Variants in YTHDF3 observed in about 807,000 individuals in gnomAD.
The protein encoded by YTHDF3 is YTH N6-methyladenosine RNA binding protein F3, also known as YTH domain-containing family protein 3.
A neutral mutation model predicts 52.5 loss-of-function variants in YTHDF3; 9 were observed. The observed-to-expected ratio is 0.17, with a 90% CI of 0.10 to 0.30. YTHDF3 has a LOEUF of 0.30. Among genes scored for constraint, YTHDF3 ranks in the 10% least tolerant of loss-of-function variants. The pLI, the probability that YTHDF3 is intolerant of heterozygous loss-of-function variation, is 1.00. For synonymous variants in YTHDF3, 274 were observed against 243.3 expected, an observed-to-expected ratio of 1.13 and a Z score of -1.18; for missense variants, 534 against 715.0, an observed-to-expected ratio of 0.75 and a Z score of 2.89.
Position 63,186,368 on chromosome 8 carries a change from T to C in YTHDF3, c.357T>C (p.Leu119=), listed in dbSNP as rs1808502702. Residue 119 remains leucine, a synonymous_variant, in exon 4 of 5, where the codon CTT becomes CTC. Coordinates refer to ENST00000539294, the MANE Select transcript of YTHDF3 (RefSeq NM_152758.6). ...CATTAGGAAATACCCCTCCATTTCT[T>C]GGTCAACATGGATTTAACTTTTTTC... ...PGALGNTPPF[L]GQHGFNFFPG... 6.2e-7 allele frequency: 1 copy of C among 1,614,078 alleles called. No individual in the cohort carries two copies. The highest frequency in any genetic ancestry group is 2.2e-5 in the East Asian group (1 of 44,892).
intron 3 of YTHDF3, among the ~76,000 whole-genome samples, chr8:63,182,349 G>A (rs927613436): frequency 3.4e-5 from 5 of 149,158 alleles, no homozygotes; most frequent in Non-Finnish European, 5.9e-5. Context: ...GGGATTACAA[G>A]CACAAGCCAC....
At chr8:63,206,841 A>G (rs1810065697) in intron 4 of YTHDF3, among the ~76,000 whole-genome samples, 1 of 152,008 alleles carries the variant, frequency 6.6e-6, no homozygotes, top group Non-Finnish European at 1.5e-5. Flanking sequence ...ACCGTGTTTT[A>G]GAAATTCCAA....
At chr8:63,177,518 T>C (rs901726337) in intron 3 of YTHDF3, among the ~76,000 whole-genome samples, 1 of 152,206 alleles carries the variant, frequency 6.6e-6, no homozygotes, top group Admixed American at 6.5e-5. Flanking sequence ...GTAATCTCAG[T>C]TAACGCTTAT....
intron 4 of YTHDF3, among the ~76,000 whole-genome samples, chr8:63,204,277 G>A (rs545734025): frequency 2.0e-5 from 3 of 151,512 alleles, no homozygotes; most frequent in South Asian, 4.2e-4. Context: ...ATGAGGCAGC[G>A]ACCATTTCTC....
rs190466520 is a variant in YTHDF3, at chr8:63,212,049, G to A, written c.*2343G>A. On this transcript the variant is annotated 3_prime_UTR_variant, in exon 5 of 5. Coordinates refer to ENST00000539294, the MANE Select transcript of YTHDF3 (RefSeq NM_152758.6). ...TCTCTTAACTGTGGGGACCAAAAGG[G>A]AGAGAGCCTGGGGTCTACAAGAGGA... 1 of 152,672 alleles carries A rather than the reference G, an allele frequency of 6.5e-6. No individual in the cohort carries two copies. The highest frequency in any genetic ancestry group is 1.5e-5 in the Non-Finnish European group (1 of 68,000). 9.5% of individuals were successfully genotyped at this position (152,672 alleles called of 1,614,324 possible). A position where few individuals can be genotyped will look rare whatever the true frequency, so the allele number is the denominator to read the frequency against.
At chr8:63,194,221 C>T (rs906599919) in intron 4 of YTHDF3, among the ~76,000 whole-genome samples, 2 of 151,706 alleles carry the variant, frequency 1.3e-5, no homozygotes, top group African/African-American at 4.8e-5. Flanking sequence ...TGGTGGCTCA[C>T]GCCTGCAATC....
intron 4 of YTHDF3, among the ~76,000 whole-genome samples, chr8:63,196,834 G>C (rs1809271310): frequency 6.6e-6 from 1 of 152,128 alleles, no homozygotes; most frequent in South Asian, 2.1e-4. Context: ...AAAGAGCTTA[G>C]CCACGTACTG....
intron 4 of YTHDF3, among the ~76,000 whole-genome samples, chr8:63,195,794 G>A (rs561809271): frequency 4.7e-5 from 7 of 150,378 alleles, no homozygotes; most frequent in South Asian, 4.2e-4. Flanking sequence ...CTGTATTTAC[G>A]TGTGTGTGTG....
rs1179689698 is a variant in YTHDF3, at chr8:63,169,379, C to A, written c.25-8C>A. The A allele has an allele frequency of 1.9e-6, 3 of 1,601,092 alleles. No homozygotes were observed. Among genetic ancestry groups the A allele is most frequent in the Non-Finnish European group, 2.6e-6 (3 of 1,172,988 alleles). On this transcript the variant is annotated splice_region_variant and splice_polypyrimidine_tract_variant and intron_variant, in intron 1 of 4. Coordinates refer to ENST00000539294, the MANE Select transcript of YTHDF3 (RefSeq NM_152758.6). Reference sequence around the variant, plus strand: ...CCTCTTTACCGCATCTTTCGTCTTGCAACACAGAGACCTAAAGGGCAAGGA... The same window carrying A: ...CCTCTTTACCGCATCTTTCGTCTTGAAACACAGAGACCTAAAGGGCAAGGA...
rs145922072 is a variant in YTHDF3, at chr8:63,177,743, A to T, written c.135+2327A>T. On this transcript the variant is annotated intron_variant, in intron 3 of 4. Transcript: ENST00000539294. ...TGAAGATATAGTATAAAAAATCCTG[A>T]CTTGTTCAAACTCTTATTTTTTTTT... 1.8e-3 allele frequency among the ~76,000 whole-genome samples: 267 copies of T among 151,170 alleles called. 2 individuals carry two copies. Among genetic ancestry groups the T allele is most frequent in the African/African-American group, 6.2e-3 (255 of 41,254 alleles).
At chr8:63,177,272 T>C (rs1807758219) in intron 3 of YTHDF3, among the ~76,000 whole-genome samples, 1 of 152,170 alleles carries the variant, frequency 6.6e-6, no homozygotes, top group Admixed American at 6.5e-5. Context: ...TGGAGAGTGG[T>C]GGTTGTGTTC....
At chr8:63,205,007 G>GT (rs1330038290) in intron 4 of YTHDF3, among the ~76,000 whole-genome samples, 5 of 152,184 alleles carry the variant, frequency 3.3e-5, no homozygotes, top group African/African-American at 1.2e-4. Context: ...AAGACTAGGG[G>GT]TCTTAGCTCA....
chr8:63,198,970 ATAATG>A (rs1449171827), intron 4 of YTHDF3, among the ~76,000 whole-genome samples: 5 of 149,810 alleles, frequency 3.3e-5, no homozygotes, highest in Non-Finnish European at 5.9e-5. Context: ...ATTTAATTAA[ATAATG>A]TAACATATTT....
At chr8:63,168,989 C>T (rs1156773016) in intron 1 of YTHDF3, 88 bp downstream of exon 1, 3 of 1,509,934 alleles carry the variant, frequency 2.0e-6, no homozygotes, top group Non-Finnish European at 2.6e-6. Flanking sequence ...CCCGTCGCCG[C>T]CGCTGCCGGC....
intron 4 of YTHDF3, among the ~76,000 whole-genome samples, chr8:63,199,012 T>TTGAG (rs10699551): frequency 0.77 from 116,792 of 151,726 alleles, 46,281 homozygotes; most frequent in East Asian, 0.98. Flanking sequence ...GATAAAAACA[T>TTGAG]TGGTATTTTG....
chr8:63,177,849 C>T (rs1807806906), intron 3 of YTHDF3, among the ~76,000 whole-genome samples: 1 of 151,694 alleles, frequency 6.6e-6, no homozygotes, highest in African/African-American at 2.4e-5. Flanking sequence ...CCTCTGTCGC[C>T]CAGGTTCAAG....
At chr8:63,173,674 G>A in intron 2 of YTHDF3, 6 of 985,160 alleles carry the variant, frequency 6.1e-6, no homozygotes, top group Non-Finnish European at 7.2e-6. Flanking sequence ...AGTGTCAGAG[G>A]AGAACAGGTA....
chr8:63,201,961 A>C (rs890044704), intron 4 of YTHDF3, among the ~76,000 whole-genome samples: 4 of 152,192 alleles, frequency 2.6e-5, no homozygotes, highest in Admixed American at 2.0e-4. Context: ...CTTGTATTCT[A>C]ATCAACCTAT....
At chr8:63,201,339 C>G (rs180867154) in intron 4 of YTHDF3, among the ~76,000 whole-genome samples, 66 of 152,160 alleles carry the variant, frequency 4.3e-4, no homozygotes, top group Middle Eastern at 3.4e-3. Context: ...CGCTGGCCAA[C>G]ATAGACCCTG....
Sources: allele counts gnomAD v4.1 joint callset (sites outside exome capture counted in the v4.1 genomes callset), GRCh38; gene constraint gnomAD v4.1.1; transcripts MANE v1.5; gene names NCBI Gene and HGNC (gene_info 2026-07-23, HGNC 2026-07-21).